Variants in DAB1 observed in about 807,000 individuals in gnomAD.
DAB1 encodes DAB adaptor protein 1.
In DAB1, 15 loss-of-function variants were observed where a neutral mutation model predicts 64.6. The observed-to-expected ratio is 0.23, with a 90% CI of 0.16 to 0.36. The LOEUF is 0.36. Ranked by LOEUF, DAB1 falls within the 10% of genes least tolerant of loss-of-function variation. The pLI is 1.00. For synonymous variants in DAB1, 235 were observed against 251.9 expected, an observed-to-expected ratio of 0.93 and a Z score of 0.64; for missense variants, 596 against 706.7, an observed-to-expected ratio of 0.84 and a Z score of 1.78.
chr1:57,998,556 G>T (rs1349012940), intron 5 of DAB1, among the ~76,000 whole-genome samples: 2 of 151,988 alleles, frequency 1.3e-5, no homozygotes, highest in Non-Finnish European at 2.9e-5. Flanking sequence ...TAGAGACGGG[G>T]TTTCACCATG....
At chr1:58,028,723 G>A (rs1179117322) in intron 5 of DAB1, among the ~76,000 whole-genome samples, 2 of 152,132 alleles carry the variant, frequency 1.3e-5, no homozygotes, top group Non-Finnish European at 2.9e-5. Context: ...CTGATTTTGG[G>A]GTTACAAATA....
chr1:57,931,907 T>G (rs929979016), intron 5 of DAB1, among the ~76,000 whole-genome samples: 1 of 152,124 alleles, frequency 6.6e-6, no homozygotes, highest in South Asian at 2.1e-4. Flanking sequence ...TTAATTTTAT[T>G]TCCCTTTTCT....
intron 6 of DAB1, among the ~76,000 whole-genome samples, chr1:57,803,810 G>A (rs1403781645): frequency 1.3e-5 from 2 of 152,220 alleles, no homozygotes; most frequent in Non-Finnish European, 1.5e-5. Context: ...ATGTGTCACT[G>A]ATTTTTGGGA....
intron 1 of DAB1, among the ~76,000 whole-genome samples, chr1:57,872,547 T>C (rs78148518): frequency 6.6e-6 from 1 of 152,316 alleles, no homozygotes; most frequent in Non-Finnish European, 1.5e-5. Context: ...CTAAGATAAC[T>C]ACCCACTGGT....
At chr1:57,964,060 G>A (rs946630819) in intron 5 of DAB1, among the ~76,000 whole-genome samples, 1 of 152,146 alleles carries the variant, frequency 6.6e-6, no homozygotes, top group African/African-American at 2.4e-5. Context: ...AGCTGTTTGG[G>A]CCCCCTGTGA....
At chr1:57,395,067 G>A (rs1244451675) in intron 1 of DAB1, among the ~76,000 whole-genome samples, 2 of 152,018 alleles carry the variant, frequency 1.3e-5, no homozygotes, top group Non-Finnish European at 2.9e-5. Flanking sequence ...CTATGTCACC[G>A]AGGCTGGAGT....
At chr1:58,352,009 C>T (rs1644063337) in intron 3 of DAB1, among the ~76,000 whole-genome samples, 2 of 151,616 alleles carry the variant, frequency 1.3e-5, no homozygotes, top group Admixed American at 6.6e-5. Context: ...CCACTGGCCA[C>T]TTCTGCCACT....
intron 4 of DAB1, among the ~76,000 whole-genome samples, chr1:58,317,490 G>A (rs1662583783): frequency 1.3e-5 from 2 of 152,256 alleles, no homozygotes; most frequent in Non-Finnish European, 2.9e-5. Flanking sequence ...AAGACAGAGA[G>A]ATTCAACTGG....
intron 7 of DAB1, among the ~76,000 whole-genome samples, chr1:57,579,422 C>A (rs1292697938): frequency 1.3e-5 from 2 of 152,102 alleles, no homozygotes; most frequent in African/African-American, 4.8e-5. Flanking sequence ...GGTGCTATAA[C>A]AATATTCACT....
At chr1:58,535,621 A>G (rs1172636958) in intron 1 of DAB1, among the ~76,000 whole-genome samples, 1 of 149,106 alleles carries the variant, frequency 6.7e-6, no homozygotes, top group East Asian at 2.0e-4. Context: ...AAAAAGATTC[A>G]GCCATGCCAA....
intron 7 of DAB1, among the ~76,000 whole-genome samples, chr1:57,594,627 G>GA (rs1384415546): frequency 2.0e-5 from 3 of 152,094 alleles, no homozygotes; most frequent in East Asian, 1.9e-4. Context: ...ATTTACCCAG[G>GA]AAAAATGATT....
At chr1:58,076,685 C>T (rs988653783) in intron 5 of DAB1, among the ~76,000 whole-genome samples, 1 of 152,226 alleles carries the variant, frequency 6.6e-6, no homozygotes, top group African/African-American at 2.4e-5. Flanking sequence ...TCCAGTTCTA[C>T]TGCACCAGGG....
chr1:57,787,648 A>G (rs1045793571), intron 6 of DAB1, among the ~76,000 whole-genome samples: 1 of 152,146 alleles, frequency 6.6e-6, no homozygotes, highest in Non-Finnish European at 1.5e-5. Flanking sequence ...GAACTATAAA[A>G]TAAAAAAATT....
At chr1:58,312,024 C>A (rs922381000) in intron 4 of DAB1, among the ~76,000 whole-genome samples, 2 of 152,102 alleles carry the variant, frequency 1.3e-5, no homozygotes, top group Non-Finnish European at 2.9e-5. Flanking sequence ...TAGCATCTAA[C>A]CACTTCCATG....
chr1:58,011,433 T>C (rs922995971), intron 5 of DAB1, among the ~76,000 whole-genome samples: 1 of 152,226 alleles, frequency 6.6e-6, no homozygotes, highest in African/African-American at 2.4e-5. Context: ...GGTAGCCATA[T>C]TATCCTTATT....
intron 1 of DAB1, among the ~76,000 whole-genome samples, chr1:57,374,812 T>C (rs1680771940): frequency 6.6e-6 from 1 of 152,204 alleles, no homozygotes; most frequent in East Asian, 1.9e-4. Context: ...GTCAGTATTT[T>C]CTAGAAAATA....
intron 6 of DAB1, among the ~76,000 whole-genome samples, chr1:57,674,389 G>T (rs74075815): frequency 0.039 from 5,995 of 152,246 alleles, 421 homozygotes; most frequent in African/African-American, 0.14. Context: ...AGAATTACTG[G>T]AAGACTCTTT....
At chr1:57,635,878 G>A (rs1326558493) in intron 7 of DAB1, among the ~76,000 whole-genome samples, 2 of 152,010 alleles carry the variant, frequency 1.3e-5, no homozygotes, top group Middle Eastern at 3.4e-3. Flanking sequence ...GGCAGATCAC[G>A]AGGTCAGGAG....
intron 4 of DAB1, among the ~76,000 whole-genome samples, chr1:58,264,420 G>A (rs895826773): frequency 2.0e-5 from 3 of 152,130 alleles, no homozygotes; most frequent in African/African-American, 4.8e-5. Context: ...CATCTTTGAC[G>A]ATTCTGATGT....
Sources: gnomAD v4.1 joint callset for allele counts (sites outside exome capture counted in the v4.1 genomes callset) on GRCh38, gnomAD v4.1.1 for gene constraint, MANE v1.5 for transcripts, NCBI Gene and HGNC (gene_info 2026-07-23, HGNC 2026-07-21) for gene names.